Variants in AGK observed in about 807,000 individuals in gnomAD.
AGK encodes acylglycerol kinase.
In AGK, 52 loss-of-function variants were observed where a neutral mutation model predicts 66.4. The ratio of observed to expected loss-of-function variants is 0.78; its 90% CI spans 0.63 to 0.99. The LOEUF (loss-of-function observed/expected upper bound fraction) is 0.99. AGK is among the 50% of genes least tolerant of loss of function. The probability of loss-of-function intolerance (pLI) is 0.00; values close to 1 mark genes in which losing one functional copy is unlikely to be tolerated. For missense variants in AGK, 451 were observed against 506.6 expected (o/e 0.89, Z 1.05); for synonymous variants, 182 against 181.1 (o/e 1.00, Z -0.04).
At chr7:141,563,518 A>T (rs1239161695) in intron 2 of AGK, among the ~76,000 whole-genome samples, 1 of 152,202 alleles carries the variant, frequency 6.6e-6, no homozygotes, top group Non-Finnish European at 1.5e-5. Context: ...CTTCCCGGAC[A>T]CCCTGAGTGT....
chr7:141,605,308 C>T (rs768429076), intron 5 of AGK, among the ~76,000 whole-genome samples: 4 of 152,080 alleles, frequency 2.6e-5, no homozygotes, highest in South Asian at 4.1e-4. Context: ...GAGTCAACCC[C>T]GCTTTTATTC....
intron 15 of AGK, 43 bp downstream of exon 15, chr7:141,651,652 C>G: frequency 1.3e-6 from 2 of 1,555,492 alleles, no homozygotes; most frequent in South Asian, 2.2e-5. Context: ...TTGATTCGTT[C>G]GTCATCGGCC....
At chr7:141,608,590 C>T (rs909291532) in intron 5 of AGK, among the ~76,000 whole-genome samples, 5 of 152,056 alleles carry the variant, frequency 3.3e-5, no homozygotes, top group African/African-American at 7.2e-5. Flanking sequence ...CTTTCACTTC[C>T]ATTGTTGACA....
intron 2 of AGK, among the ~76,000 whole-genome samples, chr7:141,582,799 G>A (rs1795909301): frequency 6.6e-6 from 1 of 151,878 alleles, no homozygotes; most frequent in African/African-American, 2.4e-5. Context: ...GTGTGAGGAG[G>A]GGAGGTGATA....
At chr7:141,570,604 T>C (rs545070649) in intron 2 of AGK, among the ~76,000 whole-genome samples, 1 of 152,232 alleles carries the variant, frequency 6.6e-6, no homozygotes, top group East Asian at 1.9e-4. Context: ...ATTTCACTAA[T>C]TTTGTTTCAT....
Position 141,571,478 on chromosome 7 carries a change from G to T in AGK, c.101+15911G>T, listed in dbSNP as rs867154176. Among the ~76,000 whole-genome samples the T allele has an allele frequency of 4.6e-5, 7 of 152,230 alleles. No individual in the cohort carries two copies. In the South Asian group the frequency reaches 6.2e-4, roughly 13 times the overall value. Reference sequence around the variant, plus strand: ...GAAGTACTGAGTGGAGCCATAATTAGATTCCAGTGCAATTTATTTGGCAAG... The same window carrying T: ...GAAGTACTGAGTGGAGCCATAATTATATTCCAGTGCAATTTATTTGGCAAG... On this transcript the variant is annotated intron_variant, in intron 2 of 15. Coordinates refer to ENST00000649286, the MANE Select transcript of AGK (RefSeq NM_018238.4).
chr7:141,601,888 T>C (rs1259248544), intron 5 of AGK, among the ~76,000 whole-genome samples: 1 of 152,146 alleles, frequency 6.6e-6, no homozygotes, highest in Non-Finnish European at 1.5e-5. Flanking sequence ...ATTTCTAATA[T>C]TGTACACTTC....
intron 1 of AGK, among the ~76,000 whole-genome samples, chr7:141,552,096 C>G (rs1441061431): frequency 6.6e-6 from 1 of 152,194 alleles, no homozygotes. Flanking sequence ...CAACTGCTGC[C>G]AATTTCTACT....
chr7:141,557,996 C>T (rs972218084), intron 2 of AGK, among the ~76,000 whole-genome samples: 3 of 152,150 alleles, frequency 2.0e-5, no homozygotes, highest in Non-Finnish European at 4.4e-5. Context: ...TGAACAACTG[C>T]CCATTCCCGC....
chr7:141,554,051 G>A (rs377722589), intron 1 of AGK, among the ~76,000 whole-genome samples: 4 of 152,104 alleles, frequency 2.6e-5, no homozygotes, highest in Admixed American at 2.0e-4. Flanking sequence ...TTAAAATTTC[G>A]TTTTTGAGCC....
intron 9 of AGK, among the ~76,000 whole-genome samples, chr7:141,629,789 G>A (rs866442987): frequency 6.6e-6 from 1 of 151,768 alleles, no homozygotes; most frequent in South Asian, 2.1e-4. Context: ...TCTTCCCCCC[G>A]AGATGAAGAA....
Position 141,636,969 on chromosome 7 carries a change from T to C in AGK, c.678T>C (p.Tyr226=). Residue 226 remains tyrosine (Y), a synonymous_variant, in exon 11 of 16, where the codon TAT becomes TAC. Coordinates refer to ENST00000649286, the MANE Select transcript of AGK (RefSeq NM_018238.4). ...DAGVKVSKYW[Y]LGPLKIKAAH... ...CTTGGTCTTTTCACAGGTACTGGTA[T>C]CTTGGGCCTCTAAAAATCAAAGCAG... 6.2e-7 allele frequency: 1 copy of C among 1,612,592 alleles called. No individual in the cohort carries two copies. The highest frequency in any genetic ancestry group is 1.3e-5 in the African/African-American group (1 of 74,990).
chr7:141,632,675 AAT>A (rs1210502655), intron 9 of AGK, among the ~76,000 whole-genome samples: 2 of 152,216 alleles, frequency 1.3e-5, no homozygotes, highest in African/African-American at 4.8e-5. Context: ...CCAGAAAACT[AAT>A]ATGTCCTTGC....
chr7:141,636,232 G>A (rs937161393), intron 10 of AGK, among the ~76,000 whole-genome samples: 1 of 152,196 alleles, frequency 6.6e-6, no homozygotes, highest in South Asian at 2.1e-4. Flanking sequence ...GCATTTGTGT[G>A]TGTGAGAGGA....
At chr7:141,553,975 TAGAA>T (rs1400134638) in intron 1 of AGK, among the ~76,000 whole-genome samples, 3 of 152,132 alleles carry the variant, frequency 2.0e-5, no homozygotes, top group African/African-American at 7.2e-5. Context: ...TTCAAAAACT[TAGAA>T]AGTACATTGC....
intron 2 of AGK, among the ~76,000 whole-genome samples, chr7:141,563,950 A>C (rs1238481829): frequency 1.3e-5 from 2 of 152,060 alleles, no homozygotes; most frequent in South Asian, 2.1e-4. Flanking sequence ...TTCACAACTA[A>C]AGGTTTGTTT....
chr7:141,570,502 CTT>C (rs907363447), intron 2 of AGK, among the ~76,000 whole-genome samples: 3 of 152,032 alleles, frequency 2.0e-5, no homozygotes, highest in Admixed American at 2.0e-4. Context: ...ATTTAAAAAA[CTT>C]TTTATTATGA....
Position 141,560,795 on chromosome 7 carries a change from C to CTT in AGK, c.101+5246_101+5247dup, listed in dbSNP as rs71172604. Among the ~76,000 whole-genome samples the CTT allele has an allele frequency of 5.3e-3, 660 of 123,970 alleles. 9 individuals are homozygous for CTT. The highest frequency in any genetic ancestry group is 0.01 in the African/African-American group (340 of 33,888). The allele number at this position is 123,970 out of a possible 152,430, so 81.3% of individuals were successfully genotyped here. A position where few individuals can be genotyped will look rare whatever the true frequency, so the allele number is the denominator to read the frequency against. On this transcript the variant is annotated intron_variant, in intron 2 of 15. Coordinates refer to ENST00000649286, the MANE Select transcript of AGK (RefSeq NM_018238.4). Reference sequence around the variant, plus strand: ...CAGGTTGCTGCAAGTGCCATTCTTTCTTTTTTTTTTTTTTTTTTTGAGCCG... The same window carrying CTT: ...CAGGTTGCTGCAAGTGCCATTCTTTCTTTTTTTTTTTTTTTTTTTTTGAGCCG...
At chr7:141,652,640 T>TG in intron 15 of AGK, 147 bp from the exon 16 acceptor site, 1 of 706,236 alleles carries the variant, frequency 1.4e-6, no homozygotes, top group South Asian at 2.4e-5. Flanking sequence ...AGGCACTGAA[T>TG]TTTTTTTTGT....
Sources: gnomAD v4.1 joint callset for allele counts (sites outside exome capture counted in the v4.1 genomes callset) on GRCh38, gnomAD v4.1.1 for gene constraint, MANE v1.5 for transcripts, NCBI Gene and HGNC (gene_info 2026-07-23, HGNC 2026-07-21) for gene names.